Variants in EYS observed in about 807,000 individuals in gnomAD.
The protein encoded by EYS is protein eyes shut homolog.
Under a neutral mutation model 282.1 loss-of-function variants are expected in EYS, and 250 were observed. The ratio of observed to expected loss-of-function variants is 0.89; its 90% confidence interval spans 0.80 to 0.98. The LOEUF is 0.98. EYS is among the 50% of genes least tolerant of loss of function. EYS has a pLI of 0.00. For missense variants in EYS, 4,016 were observed against 3,709.0 expected (o/e 1.08, Z -2.15); for synonymous variants, 1,355 against 1,282.9 (o/e 1.06, Z -1.20).
At chr6:64,701,080 C>T (rs1770770611) in intron 22 of EYS, among the ~76,000 whole-genome samples, 1 of 151,818 alleles carries the variant, frequency 6.6e-6, no homozygotes, top group East Asian at 1.9e-4. Context: ...AACTATAGTC[C>T]ATTGATATTT....
intron 31 of EYS, among the ~76,000 whole-genome samples, chr6:64,179,195 G>T (rs1764720082): frequency 1.3e-5 from 2 of 151,960 alleles, no homozygotes; most frequent in South Asian, 4.1e-4. Context: ...TTTGGGTACA[G>T]TTTCTACTTT....
intron 11 of EYS, among the ~76,000 whole-genome samples, chr6:65,313,384 C>T (rs142624456): frequency 1.3e-5 from 2 of 151,968 alleles, no homozygotes; most frequent in Admixed American, 6.6e-5. Flanking sequence ...GGATCAGCCC[C>T]GAATTATCCC....
At chr6:64,816,838 T>A (rs535679610) in intron 21 of EYS, among the ~76,000 whole-genome samples, 32 of 152,108 alleles carry the variant, frequency 2.1e-4, no homozygotes, top group African/African-American at 7.7e-4. Context: ...ACAGAAAGAA[T>A]TTTTAAGAGC....
intron 26 of EYS, among the ~76,000 whole-genome samples, chr6:64,483,417 ATCAG>A (rs1224049225): frequency 6.6e-6 from 1 of 151,752 alleles, no homozygotes; most frequent in African/African-American, 2.4e-5. Context: ...CATTCCCAAC[ATCAG>A]TGGCTTCTTT....
intron 14 of EYS, among the ~76,000 whole-genome samples, chr6:64,958,363 C>T (rs1239518913): frequency 6.6e-6 from 1 of 151,902 alleles, no homozygotes; most frequent in African/African-American, 2.4e-5. Context: ...GCCTGGGTGA[C>T]AGAGTGAGAC....
At chr6:64,219,259 A>G (rs188695982) in intron 31 of EYS, among the ~76,000 whole-genome samples, 27 of 152,320 alleles carry the variant, frequency 1.8e-4, no homozygotes, top group Non-Finnish European at 2.2e-4. Flanking sequence ...CAAATTGAAT[A>G]TAAGAGGGAA....
intron 13 of EYS, among the ~76,000 whole-genome samples, chr6:65,030,445 G>T (rs909442893): frequency 6.6e-6 from 1 of 152,066 alleles, no homozygotes; most frequent in African/African-American, 2.4e-5. Context: ...ACATTCACCT[G>T]TAGCACCCCC....
At chr6:63,761,232 C>G (rs569042083) in intron 41 of EYS, among the ~76,000 whole-genome samples, 9 of 152,018 alleles carry the variant, frequency 5.9e-5, no homozygotes, top group African/African-American at 1.9e-4. Context: ...AACACAAAAT[C>G]TCTACTCCAG....
At position 64,950,209 on chromosome 6, in the gene EYS, G is replaced by GA. The variant is rs1769437541; in HGVS notation, c.2260-4296dup. Among the ~76,000 whole-genome samples the GA allele has an allele frequency of 2.6e-5, 4 of 152,020 alleles. No homozygotes were observed. The South Asian group carries it at 8.3e-4, about 31-fold the overall frequency. ...AGGAAAATGTATTCAAGATGAAATA[G>GA]AAAATCACACTAAACCAGTAGACAT... On this transcript the variant is annotated intron_variant, in intron 14 of 42. Transcript: ENST00000503581.
chr6:64,999,191 A>G (rs1771374084), intron 13 of EYS, among the ~76,000 whole-genome samples: 1 of 152,246 alleles, frequency 6.6e-6, no homozygotes, highest in Non-Finnish European at 1.5e-5. Flanking sequence ...AGAGAACTAA[A>G]TTGGATACCA....
At chr6:63,725,788 T>C (rs1197864439) in intron 42 of EYS, among the ~76,000 whole-genome samples, 1 of 152,160 alleles carries the variant, frequency 6.6e-6, no homozygotes, top group Non-Finnish European at 1.5e-5. Flanking sequence ...CCATTTTTGC[T>C]AATGATGTGA....
rs184169529 is a variant in EYS at position 65,669,718 on chromosome 6, T to C, written c.-447-29826A>G. ...CAAGACCACCTTGTTTCATTTTTTC[T>C]GTAAACTCCTGTTTCCCTCATTACT... On this transcript the variant is annotated intron_variant, in intron 1 of 42. Coordinates refer to ENST00000503581, the MANE Select transcript of EYS (RefSeq NM_001142800.2). Among the ~76,000 whole-genome samples, 446 of 152,124 alleles carry C rather than the reference T, an allele frequency of 2.9e-3. 4 individuals are homozygous for C. The highest frequency in any genetic ancestry group is 3.1e-3 in the Non-Finnish European group (208 of 67,918).
chr6:63,876,013 G>C (rs1772959635), intron 35 of EYS, among the ~76,000 whole-genome samples: 1 of 152,132 alleles, frequency 6.6e-6, no homozygotes, highest in African/African-American at 2.4e-5. Context: ...CCTTCTGCTA[G>C]CTTTTGAATA....
intron 26 of EYS, among the ~76,000 whole-genome samples, chr6:64,580,650 T>G (rs2149823963): frequency 6.6e-6 from 1 of 152,244 alleles, no homozygotes; most frequent in Non-Finnish European, 1.5e-5. Context: ...AAAGAATAAC[T>G]CTTGTAAATT....
At chr6:65,291,560 T>C (rs772883507) in intron 12 of EYS, among the ~76,000 whole-genome samples, 3 of 151,612 alleles carry the variant, frequency 2.0e-5, no homozygotes, top group African/African-American at 7.3e-5. Context: ...TAAACATATG[T>C]ACATGAAATC....
At chr6:64,441,501 A>G (rs571423820) in intron 26 of EYS, among the ~76,000 whole-genome samples, 70 of 152,326 alleles carry the variant, frequency 4.6e-4, no homozygotes, top group Non-Finnish European at 7.3e-4. Context: ...ACAAAGCACA[A>G]TCAAAGGAAT....
At chr6:65,296,504 A>G (rs1295057928) in intron 11 of EYS, among the ~76,000 whole-genome samples, 1 of 151,694 alleles carries the variant, frequency 6.6e-6, no homozygotes, top group Non-Finnish European at 1.5e-5. Flanking sequence ...ATGGAAAAAA[A>G]TCACAATTAC....
intron 31 of EYS, among the ~76,000 whole-genome samples, chr6:64,186,025 A>C (rs184768099): frequency 5.6e-4 from 85 of 152,270 alleles, no homozygotes; most frequent in Middle Eastern, 3.4e-3. Flanking sequence ...AAATACTCAC[A>C]TACTTCTCAG....
chr6:65,673,234 G>A (rs1015687164), intron 1 of EYS, among the ~76,000 whole-genome samples: 1 of 152,048 alleles, frequency 6.6e-6, no homozygotes, highest in African/African-American at 2.4e-5. Flanking sequence ...AGGTGGTATG[G>A]AGAGATAATG....
Sources: gnomAD v4.1 joint callset for allele counts (sites outside exome capture counted in the v4.1 genomes callset) on GRCh38, gnomAD v4.1.1 for gene constraint, MANE v1.5 for transcripts, NCBI Gene and HGNC (gene_info 2026-07-23, HGNC 2026-07-21) for gene names.